Variants in CACHD1 observed in about 807,000 individuals in gnomAD.
The protein encoded by CACHD1 is VWFA and cache domain-containing protein 1.
A neutral mutation model predicts 138.7 loss-of-function variants in CACHD1; 71 were observed. That is an observed-to-expected ratio of 0.51 (90% CI 0.42 to 0.62). CACHD1 has a LOEUF of 0.62. Ranked by LOEUF, CACHD1 falls within the 20% of genes least tolerant of loss-of-function variation. The probability of loss-of-function intolerance (pLI) is 0.00; values close to 1 mark genes in which losing one functional copy is unlikely to be tolerated. For missense variants in CACHD1, 1,389 were observed against 1,625.3 expected, an observed-to-expected ratio of 0.85 and a Z score of 2.50; for synonymous variants, 578 against 591.5, an observed-to-expected ratio of 0.98 and a Z score of 0.33.
chr1:64,520,057 C>A (rs1008810126), intron 1 of CACHD1, among the ~76,000 whole-genome samples: 1 of 152,188 alleles, frequency 6.6e-6, no homozygotes, highest in South Asian at 2.1e-4. Flanking sequence ...TTTAGTTGTT[C>A]TGCTCACCAC....
intron 23 of CACHD1, 101 bp from the exon 24 acceptor site, chr1:64,679,494 C>A: frequency 2.3e-6 from 3 of 1,328,626 alleles, no homozygotes; most frequent in Non-Finnish European, 3.2e-6. Context: ...TATCTTCCGC[C>A]AACCCCCTTC....
Position 64,657,923 on chromosome 1 carries a change from C to G in CACHD1, c.1783-782C>G, listed in dbSNP as rs369465581. 1.2e-3 allele frequency among the ~76,000 whole-genome samples: 185 copies of G among 152,286 alleles called. 1 individual carries two copies. The highest frequency in any genetic ancestry group is 4.3e-3 in the African/African-American group (179 of 41,556). ...TTACTTTTAAGTCTTTCTCAAGTGG[C>G]TAGAACTAGGTAGATTGGCTTTTGA... On this transcript the variant is annotated intron_variant, in intron 12 of 26. Coordinates refer to ENST00000651257, the MANE Select transcript of CACHD1 (RefSeq NM_020925.4).
At chr1:64,669,475 C>A (rs1426464858) in intron 16 of CACHD1, among the ~76,000 whole-genome samples, 2 of 152,172 alleles carry the variant, frequency 1.3e-5, no homozygotes, top group African/African-American at 4.8e-5. Context: ...ACTCACTTAT[C>A]AGTTACTCAT....
intron 8 of CACHD1, among the ~76,000 whole-genome samples, chr1:64,644,350 G>A (rs1648834223): frequency 6.6e-6 from 1 of 152,264 alleles, no homozygotes; most frequent in Non-Finnish European, 1.5e-5. Flanking sequence ...CAAAGTTCCT[G>A]TCTGCAAGAT....
intron 2 of CACHD1, among the ~76,000 whole-genome samples, chr1:64,559,830 A>G (rs542221622): frequency 6.6e-6 from 1 of 152,218 alleles, no homozygotes; most frequent in Non-Finnish European, 1.5e-5. Flanking sequence ...TCTTTAATAG[A>G]TATAGATAGA....
At chr1:64,533,091 C>T (rs1028723130) in intron 1 of CACHD1, among the ~76,000 whole-genome samples, 4 of 152,230 alleles carry the variant, frequency 2.6e-5, no homozygotes, top group Non-Finnish European at 4.4e-5. Flanking sequence ...CATGGTGGCT[C>T]ATACCTGTAA....
intron 15 of CACHD1, among the ~76,000 whole-genome samples, chr1:64,665,708 G>A (rs1238381165): frequency 2.0e-5 from 3 of 152,036 alleles, no homozygotes; most frequent in African/African-American, 7.2e-5. Context: ...ACAGAGTAGA[G>A]GTGCATACTT....
chr1:64,653,386 T>TAAAAAAAA (rs60661882), intron 10 of CACHD1, among the ~76,000 whole-genome samples: 5 of 108,472 alleles, frequency 4.6e-5, no homozygotes, highest in Non-Finnish European at 4.1e-5. Flanking sequence ...TAAAAGAAGT[T>TAAAAAAAA]AAAAAAAAAA....
Position 64,679,721 on chromosome 1 carries a change from G to A in CACHD1, c.3371G>A (p.Arg1124Gln), listed in dbSNP as rs201165996. 2.3e-5 allele frequency: 37 copies of A among 1,613,942 alleles called. No individual in the cohort carries two copies. The highest frequency in any genetic ancestry group is 1.3e-4 in the South Asian group (12 of 91,078). Residue 1124 changes from arginine (R) to glutamine (Q), a missense_variant, in exon 24 of 27, where the codon CGG (arginine) becomes CAG (glutamine). Physicochemically the swap from Arg to Gln is conservative, Grantham distance 43. This residue lies in a region of CACHD1 where 250 missense variants were observed against 292.9 expected (regional missense o/e 0.85). Coordinates refer to ENST00000651257, the MANE Select transcript of CACHD1 (RefSeq NM_020925.4). ...GCCTACCGCCACCAGATTCATCGCC[G>A]GAGCCATCAGCATATGTCTCCTCTT... ...VYAYRHQIHRRSHQHMSPLAA... is the reference protein window; with the variant it reads ...VYAYRHQIHRQSHQHMSPLAA...
chr1:64,515,190 G>A (rs888153176), intron 1 of CACHD1, among the ~76,000 whole-genome samples: 1 of 152,126 alleles, frequency 6.6e-6, no homozygotes, highest in Non-Finnish European at 1.5e-5. Flanking sequence ...AGCAAATCCC[G>A]AATCCCCATT....
chr1:64,640,257 G>A (rs369910248), intron 7 of CACHD1, among the ~76,000 whole-genome samples: 8 of 152,220 alleles, frequency 5.3e-5, no homozygotes, highest in African/African-American at 1.9e-4. Context: ...GTTTGAGGTT[G>A]CCTGCCGCAG....
intron 3 of CACHD1, among the ~76,000 whole-genome samples, chr1:64,590,214 C>T (rs77121734): frequency 1.3e-5 from 2 of 150,038 alleles, no homozygotes; most frequent in African/African-American, 2.5e-5. Flanking sequence ...CCCAGCTACT[C>T]GGGAGGCTGA....
At chr1:64,635,115 C>T (rs1301421788) in intron 7 of CACHD1, among the ~76,000 whole-genome samples, 1 of 151,328 alleles carries the variant, frequency 6.6e-6, no homozygotes, top group African/African-American at 2.4e-5. Context: ...GATGGTCAGT[C>T]TGTACAATTT....
At chr1:64,485,631 A>ATCT (rs1322714492) in intron 1 of CACHD1, among the ~76,000 whole-genome samples, 1 of 152,112 alleles carries the variant, frequency 6.6e-6, no homozygotes, top group African/African-American at 2.4e-5. Context: ...CCCAGGCTGG[A>ATCT]GTGCAGTAGC....
At chr1:64,606,095 C>T (rs1313608639) in intron 4 of CACHD1, among the ~76,000 whole-genome samples, 1 of 113,510 alleles carries the variant, frequency 8.8e-6, no homozygotes, top group African/African-American at 3.6e-5. Flanking sequence ...TGTTCTAGGT[C>T]AGGAGCTGTA....
At chr1:64,566,120 CT>C (rs1345120167) in intron 2 of CACHD1, among the ~76,000 whole-genome samples, 1 of 152,082 alleles carries the variant, frequency 6.6e-6, no homozygotes, top group African/African-American at 2.4e-5. Context: ...TTTTTACCCC[CT>C]TCTCTATTTT....
At chr1:64,655,492 A>T (rs1466785803) in intron 12 of CACHD1, among the ~76,000 whole-genome samples, 1 of 152,184 alleles carries the variant, frequency 6.6e-6, no homozygotes, top group Non-Finnish European at 1.5e-5. Context: ...GGGAGTTTAA[A>T]AGGAGACATG....
At chr1:64,614,474 A>G (rs2100602451) in intron 4 of CACHD1, among the ~76,000 whole-genome samples, 1 of 150,820 alleles carries the variant, frequency 6.6e-6, no homozygotes, top group East Asian at 2.0e-4. Flanking sequence ...ATCTTGTTGG[A>G]CATTTGCCTA....
chr1:64,614,990 C>T (rs1440228959), intron 4 of CACHD1, among the ~76,000 whole-genome samples: 1 of 152,154 alleles, frequency 6.6e-6, no homozygotes, highest in Non-Finnish European at 1.5e-5. Context: ...TCTAAGCTCA[C>T]GTTGGAGACC....
Sources: gnomAD v4.1 joint callset for allele counts (sites outside exome capture counted in the v4.1 genomes callset) on GRCh38, gnomAD v4.1.1 for gene constraint, gnomAD v4.1.1 regional missense constraint, MANE v1.5 for transcripts, NCBI Gene and HGNC (gene_info 2026-07-23, HGNC 2026-07-21) for gene names.